MYO1C: variants seen among roughly 807,000 people sequenced by gnomAD.
The protein encoded by MYO1C is myosin IC, also known as unconventional myosin-Ic.
MYO1C carries 104 observed loss-of-function variants against 150.8 expected under a neutral mutation model. That is an observed-to-expected ratio of 0.69 (90% CI 0.59 to 0.81). The LOEUF is 0.81. Ranked by LOEUF, MYO1C falls within the 30% of genes least tolerant of loss-of-function variation. MYO1C has a pLI of 0.00. For synonymous variants in MYO1C, 663 were observed against 579.9 expected (o/e 1.14, Z -2.06); for missense variants, 1,504 against 1,435.0 (o/e 1.05, Z -0.78).
chr17:1,471,568 C>A (rs527923187), intron 19 of MYO1C, among the ~76,000 whole-genome samples: 1 of 152,184 alleles, frequency 6.6e-6, no homozygotes, highest in Non-Finnish European at 1.5e-5. Context: ...CCCAGGCCCC[C>A]GACTCAGAAG....
chr17:1,467,680 C>G (rs963512635), intron 29 of MYO1C, 103 bp from the exon 30 acceptor site: 10 of 1,025,032 alleles, frequency 9.8e-6, no homozygotes, highest in Non-Finnish European at 1.4e-5. Flanking sequence ...CACCCCCATC[C>G]ACCCTCCCAC....
intron 1 of MYO1C, among the ~76,000 whole-genome samples, chr17:1,486,631 T>TCAG (rs1403417797): frequency 6.6e-6 from 1 of 152,164 alleles, no homozygotes; most frequent in African/African-American, 2.4e-5. Context: ...TTTTCCTGTC[T>TCAG]CAGCCTCCCG....
Position 1,479,419 on chromosome 17 carries a change from GC to G in MYO1C, c.1092+11del. 1 of 1,287,054 alleles carries G rather than the reference GC, an allele frequency of 7.8e-7. No homozygotes were observed. Among genetic ancestry groups the G allele is most frequent in the Non-Finnish European group, 1.1e-6 (1 of 912,722 alleles). The allele number at this position is 1,287,054 out of a possible 1,614,324, so 79.7% of individuals were successfully genotyped here. On this transcript the variant is annotated intron_variant, in intron 9 of 31. Coordinates refer to ENST00000648651, the MANE Select transcript of MYO1C (RefSeq NM_001080779.2). This position sits in a 1 kb window ranked among gnomAD's most constrained non-coding sequence, Gnocchi z 4.2. ...TGCCCCTCCACACCCGAGGGCAAGG[GC>G]CCGGCCTCACCTCCTCCCCCTTGGC...
intron 25 of MYO1C, chr17:1,469,089 C>T (rs4482350): frequency 0.083 from 25,822 of 311,796 alleles, 1,205 homozygotes; most frequent in Non-Finnish European, 0.1. Flanking sequence ...ACTGAGGTCA[C>T]CGGTAGACCG....
Position 1,464,782 on chromosome 17 carries a change from A to T in MYO1C, c.*944T>A, listed in dbSNP as rs1175076677. On this transcript the variant is annotated 3_prime_UTR_variant, in exon 32 of 32. Coordinates refer to ENST00000648651, the MANE Select transcript of MYO1C (RefSeq NM_001080779.2). ...GCCTTCCCCACTCCAGCACTGCCTC[A>T]AACTGGGATGATGAGGACAGTAAAA... The T allele has an allele frequency of 6.6e-6, 1 of 151,928 alleles. No homozygotes were observed. The highest frequency in any genetic ancestry group is 1.5e-5 in the Non-Finnish European group (1 of 68,206). 9.4% of individuals were successfully genotyped at this position (151,928 alleles called of 1,614,324 possible).
chr17:1,474,615 C>T lies in MYO1C; in HGVS notation c.1792G>A (p.Glu598Lys), dbSNP rs139785459. 7.4e-6 allele frequency: 12 copies of T among 1,613,850 alleles called. No homozygotes were observed. The highest frequency in any genetic ancestry group is 1.0e-5 in the Non-Finnish European group (12 of 1,179,912). ...CGGTCCCGCCACCTCCTCACCGTCT[C>T]TGGCCGCTTCTTGTCACTGAGCTCG... ...RSELSDKKRP[E>K]TVATQFKMSL... Residue 598 changes from glutamate (E) to lysine (K), a missense_variant, in exon 17 of 32, where the codon GAG (glutamate) becomes AAG (lysine). Physicochemically the swap from Glu to Lys is moderately conservative, Grantham distance 56 (BLOSUM62 1). Coordinates refer to ENST00000648651, the MANE Select transcript of MYO1C (RefSeq NM_001080779.2).
chr17:1,469,704 A>G (rs1432151737), intron 24 of MYO1C, 90 bp from the exon 25 acceptor site: 1 of 1,046,124 alleles, frequency 9.6e-7, no homozygotes, highest in African/African-American at 1.6e-5. Context: ...CCTTTGGATA[A>G]GTAACACCCC....
chr17:1,477,569 C>A lies in MYO1C; in HGVS notation c.1510G>T (p.Ala504Ser), dbSNP rs544170047. 6.2e-7 allele frequency: 1 copy of A among 1,613,526 alleles called. No homozygotes were observed. Among genetic ancestry groups the A allele is most frequent in the South Asian group, 1.1e-5 (1 of 91,074 alleles). Residue 504 changes from alanine (A) to serine (S), a missense_variant, in exon 14 of 32, where the codon GCC (alanine) becomes TCC (serine). Ala to Ser is a moderately conservative substitution (Grantham distance 99). Transcript: ENST00000648651. ...LDEECLRPGEATDLTFLEKLE... is the reference protein window; with the variant it reads ...LDEECLRPGESTDLTFLEKLE... Reference sequence around the variant, plus strand: ...TTCTCCAGGAAGGTCAGGTCTGTGGCCTCCCCGGGGCGCAGACACTCCTCA... The same window carrying A: ...TTCTCCAGGAAGGTCAGGTCTGTGGACTCCCCGGGGCGCAGACACTCCTCA...
intron 1 of MYO1C, among the ~76,000 whole-genome samples, chr17:1,489,263 C>T (rs185560925): frequency 7.9e-5 from 12 of 152,328 alleles, no homozygotes; most frequent in Admixed American, 2.6e-4. Context: ...GAGATAGTGG[C>T]GACTTAGGGT....
At position 1,464,658 on chromosome 17, in the gene MYO1C, G is replaced by A. The variant is rs1234311154; in HGVS notation, c.*1068C>T. ...CAACCTGCCGTATGACCGTGGGCAA[G>A]TGCCTTCTCCTGTTTGGGCATCTGT... On this transcript the variant is annotated 3_prime_UTR_variant, in exon 32 of 32. Coordinates refer to ENST00000648651, the MANE Select transcript of MYO1C (RefSeq NM_001080779.2). 6.5e-6 allele frequency: 1 copy of A among 152,700 alleles called. No individual in the cohort carries two copies. Among genetic ancestry groups the A allele is most frequent in the Admixed American group, 6.5e-5 (1 of 15,276 alleles). The allele number at this position is 152,700 out of a possible 1,614,324, so 9.5% of individuals were successfully genotyped here. A position where few individuals can be genotyped will look rare whatever the true frequency, so the allele number is the denominator to read the frequency against.
At position 1,471,080 on chromosome 17, in the gene MYO1C, G is replaced by T. The variant is rs2074292530; in HGVS notation, c.2203C>A (p.Gln735Lys). The change falls in exon 21 of 32, where the codon CAG becomes AAG. Residue 735 changes from glutamine to lysine, a missense_variant. Physicochemically the swap from Gln to Lys is moderately conservative, Grantham distance 53. Transcript: ENST00000648651. ...TAGGCCTCTCTCTCACCCAGGCTCTGCCGCCGGACCTCCAGGGCATCCTCT... is the reference window on the plus strand; with the variant it reads ...TAGGCCTCTCTCTCACCCAGGCTCTTCCGCCGGACCTCCAGGGCATCCTCT... ...ATEDALEVRR[Q>K]SLATKIQAAW... is the part of the protein sequence containing the mutation. 1 of 1,614,094 alleles carries T rather than the reference G, an allele frequency of 6.2e-7. No homozygotes were observed. Among genetic ancestry groups the T allele is most frequent in the African/African-American group, 1.3e-5 (1 of 75,030 alleles).
rs556214496 is a variant in MYO1C, at chr17:1,464,510, G to A, written c.*1216C>T. On this transcript the variant is annotated 3_prime_UTR_variant, in exon 32 of 32. Coordinates refer to ENST00000648651, the MANE Select transcript of MYO1C (RefSeq NM_001080779.2). ...GCTTTTCCCACCTGGTGGCTCCCAG[G>A]GCCGATTGCTGGTCAAGGAGCCAGA... 2.0e-5 allele frequency: 3 copies of A among 152,862 alleles called. No homozygotes were observed. Among genetic ancestry groups the A allele is most frequent in the African/African-American group, 7.2e-5 (3 of 41,588 alleles). 9.5% of individuals were successfully genotyped at this position (152,862 alleles called of 1,614,324 possible). A position where few individuals can be genotyped will look rare whatever the true frequency, so the allele number is the denominator to read the frequency against.
rs1297788510 is a variant in MYO1C at position 1,484,997 on chromosome 17, C to T, written c.76-694G>A. Reference sequence around the variant, plus strand: ...CACCCCAGCTGGGCTCAGCCACCCACTCCAGAACGCGGGGGAGGCCCTCCC... The same window carrying T: ...CACCCCAGCTGGGCTCAGCCACCCATTCCAGAACGCGGGGGAGGCCCTCCC... On this transcript the variant is annotated intron_variant, in intron 1 of 31. Transcript: ENST00000648651. The T allele has an allele frequency of 7.7e-6, 6 of 780,752 alleles. No homozygotes were observed. The African/African-American group carries it at 8.9e-5, about 12-fold the overall frequency. The allele number at this position is 780,752 out of a possible 1,614,324, so 48.4% of individuals were successfully genotyped here. A position where few individuals can be genotyped will look rare whatever the true frequency, so the allele number is the denominator to read the frequency against.
chr17:1,488,526 TATC>T (rs2074694230), intron 1 of MYO1C, among the ~76,000 whole-genome samples: 1 of 152,216 alleles, frequency 6.6e-6, no homozygotes, highest in South Asian at 2.1e-4. Context: ...GTGAGGTCCG[TATC>T]ATCACTCCAA....
intron 14 of MYO1C, among the ~76,000 whole-genome samples, chr17:1,475,945 C>A (rs1567523308): frequency 6.6e-6 from 1 of 152,064 alleles, no homozygotes; most frequent in Non-Finnish European, 1.5e-5. Flanking sequence ...GCCTTATACA[C>A]AAGTTCTCGA....
At chr17:1,469,408 A>G in intron 25 of MYO1C, 123 bp downstream of exon 25, 1 of 966,562 alleles carries the variant, frequency 1.0e-6, no homozygotes, top group Non-Finnish European at 1.6e-6. Context: ...CGGGGTAAAT[A>G]CGGTAGAACG....
intron 19 of MYO1C, 127 bp from the exon 20 acceptor site, chr17:1,471,463 C>T: frequency 8.0e-6 from 6 of 751,808 alleles, no homozygotes; most frequent in East Asian, 2.7e-5. Context: ...GAGGCTCACT[C>T]GGTCACTGCC....
At chr17:1,473,074 C>T (rs1166360890) in intron 17 of MYO1C, among the ~76,000 whole-genome samples, 4 of 152,208 alleles carry the variant, frequency 2.6e-5, no homozygotes, top group Non-Finnish European at 5.9e-5. Flanking sequence ...ATGGCGGGTA[C>T]CTGTAATCCC....
In MYO1C at chr17:1,469,150, C is replaced by T. The variant is rs148449604; in HGVS notation, c.2610+381G>A. 2.6e-5 allele frequency: 9 copies of T among 350,016 alleles called. No individual in the cohort carries two copies. In the East Asian group the frequency reaches 4.4e-4, roughly 17 times the overall value. 21.7% of individuals were successfully genotyped at this position (350,016 alleles called of 1,614,324 possible). On this transcript the variant is annotated intron_variant, in intron 25 of 31. Transcript: ENST00000648651. ...ATAGAGCAGACCGGGGTAAATAGAG[C>T]AGACCGGGGTAAACAGAGTAGACCG... is the stretch of plus-strand genomic sequence containing the variant.
Sources: gnomAD v4.1 joint callset for allele counts (sites outside exome capture counted in the v4.1 genomes callset) on GRCh38, gnomAD v4.1.1 for gene constraint, Gnocchi (gnomAD v3.1) non-coding constraint, MANE v1.5 for transcripts, NCBI Gene and HGNC (gene_info 2026-07-23, HGNC 2026-07-21) for gene names.